The following HDAC9 variants were observed in gnomAD, a reference collection of about 807,000 sequenced individuals.
HDAC9 encodes the protein histone deacetylase 9, also known as MEF-2 interacting transcription repressor (MITR) protein.
In HDAC9, 41 loss-of-function variants were observed where a neutral mutation model predicts 139.4. That is an observed-to-expected ratio of 0.29 (90% CI 0.23 to 0.38). HDAC9 has a LOEUF of 0.38. Ranked by LOEUF, HDAC9 falls within the 10% of genes least tolerant of loss-of-function variation. HDAC9 has a pLI of 1.00. For missense variants in HDAC9, 1,147 were observed against 1,297.0 expected (o/e 0.88, Z 1.78); for synonymous variants, 517 against 476.2 (o/e 1.09, Z -1.12).
chr7:18,237,466 C>T (rs893986078), intron 2 of HDAC9, among the ~76,000 whole-genome samples: 2 of 151,892 alleles, frequency 1.3e-5, no homozygotes, highest in African/African-American at 4.8e-5. Context: ...TGGGTGATAC[C>T]TGAAGGTGGA....
intron 22 of HDAC9, among the ~76,000 whole-genome samples, chr7:18,902,190 A>G (rs1318686307): frequency 1.3e-5 from 2 of 152,238 alleles, no homozygotes; most frequent in African/African-American, 2.4e-5. Flanking sequence ...GCTTGGGAAC[A>G]TGCACTAATG....
At chr7:18,924,898 T>C (rs776280727) in intron 22 of HDAC9, among the ~76,000 whole-genome samples, 3 of 152,182 alleles carry the variant, frequency 2.0e-5, no homozygotes, top group African/African-American at 4.8e-5. Flanking sequence ...AGTGTTGCCA[T>C]GGCCATCATA....
chr7:18,919,497 A>G (rs1298527397), intron 22 of HDAC9, among the ~76,000 whole-genome samples: 1 of 152,034 alleles, frequency 6.6e-6, no homozygotes, highest in Non-Finnish European at 1.5e-5. Flanking sequence ...TTTTGCAAGT[A>G]TTAGTATTTA....
chr7:18,764,086 A>G (rs754196033), intron 15 of HDAC9, among the ~76,000 whole-genome samples: 1 of 152,162 alleles, frequency 6.6e-6, no homozygotes. Context: ...TATTTTTTGT[A>G]AAATATTTGA....
In HDAC9 at chr7:18,121,199, T is replaced by C. The variant is rs373246761; in HGVS notation, c.-97+33986T>C. Among the ~76,000 whole-genome samples, 5 of 152,142 alleles carry C rather than the reference T, an allele frequency of 3.3e-5. No individual in the cohort carries two copies. The South Asian group carries it at 8.3e-4, about 25-fold the overall frequency. ...TACATTTTATGAGTGGGAAGTGTGG[T>C]TTAAGGTAATTGGCAAGACTCCCTC... On this transcript the variant is annotated intron_variant, in intron 1 of 12. Coordinates refer to the HDAC9 transcript ENST00000417496.
chr7:18,667,000 C>T, intron 12 of HDAC9: 1 of 985,372 alleles, frequency 1.0e-6, no homozygotes, highest in South Asian at 4.7e-5. Flanking sequence ...TCTGCCCCTT[C>T]CTTCCTCTCT....
At chr7:18,306,994 T>C (rs537901534) in intron 1 of HDAC9, among the ~76,000 whole-genome samples, 29 of 152,176 alleles carry the variant, frequency 1.9e-4, no homozygotes, top group Admixed American at 2.0e-4. Context: ...CAGTTAACAT[T>C]GTGACATGTA....
intron 12 of HDAC9, chr7:18,668,127 G>A (rs1412967839): frequency 1.2e-6 from 1 of 869,530 alleles, no homozygotes; most frequent in East Asian, 1.2e-4. Flanking sequence ...CTTTAAAAAT[G>A]TTACTGCTAA....
rs757005266 is a variant in HDAC9 at position 18,727,741 on chromosome 7, G to T, written c.1893G>T (p.Gln631His). The change falls in exon 13 of 26, where the codon CAG becomes CAT. Residue 631 changes from glutamine (Q) to histidine (H), a missense_variant. Gln to His is a conservative substitution (Grantham distance 24, BLOSUM62 0). This residue lies in a region of HDAC9 where 256 missense variants were observed against 219.2 expected (regional missense o/e 1.17). Coordinates refer to ENST00000686413, the MANE Select transcript of HDAC9 (RefSeq NM_178425.4). The part of the protein sequence containing the change: ...LPHPAMDRPL[Q>H]PGSATGIAYD... ...ACCCAGCAATGGACCGCCCCCTCCA[G>T]CCTGGCTCTGCAACTGGTAGGAATC... is the stretch of plus-strand genomic sequence containing the variant. 2.0e-6 allele frequency: 3 copies of T among 1,532,080 alleles called. No homozygotes were observed. The Admixed American group carries it at 7.1e-5, about 36-fold the overall frequency. 94.9% of individuals were successfully genotyped at this position (1,532,080 alleles called of 1,614,324 possible).
intron 1 of HDAC9, among the ~76,000 whole-genome samples, chr7:18,396,372 G>A (rs1451181300): frequency 1.3e-5 from 2 of 152,130 alleles, no homozygotes; most frequent in African/African-American, 4.8e-5. Flanking sequence ...TTGGCAGGAT[G>A]CTGTAGAAGG....
rs1256127418 is a variant in HDAC9, at chr7:18,901,211, T to TACACAC, written c.2803+26616_2803+26617insCACACA. Among the ~76,000 whole-genome samples the TACACAC allele has an allele frequency of 5.3e-4, 67 of 127,210 alleles. 1 individual carries two copies. Among genetic ancestry groups the TACACAC allele is most frequent in the African/African-American group, 2.2e-3 (65 of 29,412 alleles). 83.5% of individuals were successfully genotyped at this position (127,210 alleles called of 152,430 possible). ...TCTGTATATATACTATATATACATA[T>TACACAC]ATATATATATACACACACACACACA... is the stretch of plus-strand genomic sequence containing the variant. On this transcript the variant is annotated intron_variant, in intron 22 of 25. Transcript: ENST00000686413.
chr7:18,963,982 C>A (rs572682381), intron 24 of HDAC9, among the ~76,000 whole-genome samples: 6 of 152,162 alleles, frequency 3.9e-5, no homozygotes, highest in African/African-American at 7.2e-5. Flanking sequence ...TACCAACAAT[C>A]CTGCCCTTCA....
rs556628590 is a variant in HDAC9 at position 18,590,287 on chromosome 7, A to G, written c.265-49A>G. On this transcript the variant is annotated intron_variant, in intron 3 of 25. Coordinates refer to ENST00000686413, the MANE Select transcript of HDAC9 (RefSeq NM_178425.4). ...ATTTCAGTTTTGGTCAGTGATGACT[A>G]TGAAGCCTAAAGAAATTGCACACTC... 2.5e-6 allele frequency: 4 copies of G among 1,598,528 alleles called. No individual in the cohort carries two copies. The East Asian group carries it at 6.7e-5, about 27-fold the overall frequency.
chr7:18,428,506 A>G (rs1790331891), intron 1 of HDAC9, among the ~76,000 whole-genome samples: 2 of 152,254 alleles, frequency 1.3e-5, no homozygotes, highest in South Asian at 2.1e-4. Flanking sequence ...ACCAACAGGT[A>G]TATGAAAAGA....
chr7:18,447,010 C>G (rs1420725552), intron 1 of HDAC9, among the ~76,000 whole-genome samples: 1 of 152,018 alleles, frequency 6.6e-6, no homozygotes, highest in Admixed American at 6.6e-5. Context: ...ACATTAAAAA[C>G]AAAAAGTTTT....
At chr7:18,232,135 A>G (rs1450695989) in intron 2 of HDAC9, among the ~76,000 whole-genome samples, 1 of 152,166 alleles carries the variant, frequency 6.6e-6, no homozygotes, top group East Asian at 1.9e-4. Flanking sequence ...GATCTTCTGT[A>G]TGGAACTTAC....
intron 2 of HDAC9, among the ~76,000 whole-genome samples, chr7:18,584,447 C>A (rs1045289587): frequency 6.6e-6 from 1 of 152,104 alleles, no homozygotes; most frequent in Non-Finnish European, 1.5e-5. Flanking sequence ...GCATTCTTAT[C>A]TACTAAGAGT....
chr7:18,404,240 C>A (rs181119012), intron 1 of HDAC9, among the ~76,000 whole-genome samples: 1 of 151,996 alleles, frequency 6.6e-6, no homozygotes, highest in African/African-American at 2.4e-5. Context: ...CAAAAGGTAT[C>A]TATTGATTGA....
chr7:18,119,804 C>A lies in HDAC9; in HGVS notation c.-97+32591C>A, dbSNP rs560764732. On this transcript the variant is annotated intron_variant, in intron 1 of 12. Coordinates refer to the HDAC9 transcript ENST00000417496. ...GGGAAGTGGTGGTTTGTGCCCATAA[C>A]TTTCTCCGTGAGTCAAAGCTGTGGG... 7.2e-5 allele frequency among the ~76,000 whole-genome samples: 11 copies of A among 152,300 alleles called. No homozygotes were observed. The South Asian group carries it at 2.3e-3, about 32-fold the overall frequency.
Sources: gnomAD v4.1 joint callset for allele counts (sites outside exome capture counted in the v4.1 genomes callset) on GRCh38, gnomAD v4.1.1 for gene constraint, gnomAD v4.1.1 regional missense constraint, MANE v1.5 for transcripts, NCBI Gene and HGNC (gene_info 2026-07-23, HGNC 2026-07-21) for gene names.